The following SRRM3 variants were observed in gnomAD, a reference collection of about 807,000 sequenced individuals.
SRRM3 encodes the protein serine/arginine repetitive matrix protein 3.
Under a neutral mutation model 66.2 loss-of-function variants are expected in SRRM3, and 27 were observed. That is an observed-to-expected ratio of 0.41 (90% CI 0.30 to 0.56). The LOEUF is 0.56. SRRM3 is among the 20% of genes least tolerant of loss of function. The probability of loss-of-function intolerance (pLI) is 0.32; values close to 1 mark genes in which losing one functional copy is unlikely to be tolerated. For synonymous variants in SRRM3, 391 were observed against 414.9 expected, an observed-to-expected ratio of 0.94 and a Z score of 0.70; for missense variants, 918 against 991.9, an observed-to-expected ratio of 0.93 and a Z score of 1.00.
chr7:76,255,368 C>T (rs925542429), intron 3 of SRRM3, among the ~76,000 whole-genome samples: 5 of 151,896 alleles, frequency 3.3e-5, no homozygotes, highest in East Asian at 3.9e-4. Flanking sequence ...AGGCTGGTCT[C>T]GAACTCCCGA....
intron 1 of SRRM3, among the ~76,000 whole-genome samples, chr7:76,215,961 C>A (rs1800559619): frequency 6.7e-6 from 1 of 148,212 alleles, no homozygotes; most frequent in South Asian, 2.1e-4. Flanking sequence ...CCACGCCCAG[C>A]TAATTTTTTT....
intron 2 of SRRM3, among the ~76,000 whole-genome samples, chr7:76,244,060 G>T (rs1801376005): frequency 6.6e-6 from 1 of 152,210 alleles, no homozygotes; most frequent in Admixed American, 6.5e-5. Context: ...GTGGAGCTAG[G>T]TTGGTGGCAG....
At chr7:76,255,888 C>T (rs1290181666) in intron 3 of SRRM3, among the ~76,000 whole-genome samples, 1 of 152,174 alleles carries the variant, frequency 6.6e-6, no homozygotes, top group Admixed American at 6.5e-5. Flanking sequence ...TCTTTTCTCC[C>T]CGGAAGAGAT....
intron 2 of SRRM3, among the ~76,000 whole-genome samples, chr7:76,236,915 G>T (rs1183707772): frequency 6.6e-6 from 1 of 152,132 alleles, no homozygotes; most frequent in Non-Finnish European, 1.5e-5. Flanking sequence ...GAGGGGCGAG[G>T]TGGGGAGCAT....
At chr7:76,203,584 T>C (rs782226343) in intron 1 of SRRM3, among the ~76,000 whole-genome samples, 1 of 152,190 alleles carries the variant, frequency 6.6e-6, no homozygotes, top group East Asian at 1.9e-4. Context: ...TTGAAGCACA[T>C]TTTTCTGTTC....
chr7:76,243,294 T>C (rs1226338663), intron 2 of SRRM3, among the ~76,000 whole-genome samples: 1 of 152,174 alleles, frequency 6.6e-6, no homozygotes, highest in African/African-American at 2.4e-5. Flanking sequence ...CCGTCATCAC[T>C]GTCCCAAGTG....
At chr7:76,283,139 G>A (rs782757859) in intron 14 of SRRM3, 38 bp downstream of exon 14, 5 of 1,372,994 alleles carry the variant, frequency 3.6e-6, no homozygotes, top group Non-Finnish European at 4.7e-6. Context: ...GCGCAGGGCT[G>A]GGGCCGCTGA....
intron 1 of SRRM3, among the ~76,000 whole-genome samples, chr7:76,216,311 T>C (rs1413897104): frequency 6.6e-6 from 1 of 152,072 alleles, no homozygotes; most frequent in Non-Finnish European, 1.5e-5. Flanking sequence ...CCTCCCAAAG[T>C]GCTGGGATTA....
At chr7:76,281,189 C>CCT (rs1802490538) in intron 11 of SRRM3, among the ~76,000 whole-genome samples, 1 of 150,582 alleles carries the variant, frequency 6.6e-6, no homozygotes, top group South Asian at 2.1e-4. Context: ...TTCCTCTCTC[C>CCT]CTCTCTCCTG....
chr7:76,273,522 C>A (rs894588929), intron 11 of SRRM3: 1 of 152,198 alleles, frequency 6.6e-6, no homozygotes, highest in African/African-American at 2.4e-5. Flanking sequence ...TGTCTTTCCC[C>A]CATTCTGCAT....
intron 11 of SRRM3, among the ~76,000 whole-genome samples, chr7:76,280,428 A>C (rs1457236966): frequency 4.9e-5 from 3 of 60,756 alleles, no homozygotes; most frequent in East Asian, 5.1e-4. Context: ...CCCACCCCCA[A>C]GCGCTGGGGG....
intron 12 of SRRM3, 182 bp from the exon 13 acceptor site, chr7:76,282,466 T>C (rs1583946851): frequency 8.0e-6 from 2 of 250,904 alleles, no homozygotes; most frequent in South Asian, 2.0e-4. Context: ...CTCACGGGGC[T>C]CCCCCTGAAC....
chr7:76,255,266 C>T (rs1801686180), intron 3 of SRRM3, among the ~76,000 whole-genome samples: 1 of 150,196 alleles, frequency 6.7e-6, no homozygotes, highest in Non-Finnish European at 1.5e-5. Context: ...TCTCCTGCCT[C>T]AGCCCCTCAA....
At chr7:76,279,507 C>A (rs1164835883) in intron 11 of SRRM3, among the ~76,000 whole-genome samples, 1 of 143,894 alleles carries the variant, frequency 6.9e-6, no homozygotes. Context: ...CAAGGACAGT[C>A]AACTGCTACT....
intron 8 of SRRM3, among the ~76,000 whole-genome samples, chr7:76,262,074 G>C (rs936770055): frequency 6.6e-6 from 1 of 151,998 alleles, no homozygotes; most frequent in Non-Finnish European, 1.5e-5. Flanking sequence ...CACCCAGGAG[G>C]GCTGGGGGTT....
In SRRM3 at chr7:76,285,695, G is replaced by A. The variant is rs782408994; in HGVS notation, c.1814G>A (p.Arg605Gln). ...SSCLSSDYSTRSHSRSPSPGH... is the reference protein window; with the variant it reads ...SSCLSSDYSTQSHSRSPSPGH... ...TGCTTGAGCAGCGACTACTCGACCCGGAGCCACAGCCGCAGCCCCAGCCCC... is the reference window on the plus strand; with the variant it reads ...TGCTTGAGCAGCGACTACTCGACCCAGAGCCACAGCCGCAGCCCCAGCCCC... Residue 605 changes from arginine to glutamine, a missense_variant, in exon 15 of 15, where the codon CGG (arginine) becomes CAG (glutamine). Physicochemically the swap from Arg to Gln is conservative, Grantham distance 43. Coordinates refer to ENST00000611745, the MANE Select transcript of SRRM3 (RefSeq NM_001110199.3). This position sits in a 1 kb window ranked among gnomAD's most constrained non-coding sequence, Gnocchi z 4.1. 34 of 1,550,886 alleles carry A rather than the reference G, an allele frequency of 2.2e-5. No individual in the cohort carries two copies. The highest frequency in any genetic ancestry group is 1.7e-4 in the Middle Eastern group (1 of 5,864).
chr7:76,253,421 ACCAT>A (rs1283100758), intron 3 of SRRM3, among the ~76,000 whole-genome samples: 1 of 151,250 alleles, frequency 6.6e-6, no homozygotes, highest in African/African-American at 2.4e-5. Flanking sequence ...GGAGTTCGAG[ACCAT>A]CCTGGCTAAC....
intron 11 of SRRM3, 101 bp from the exon 12 acceptor site, chr7:76,281,340 C>A: frequency 1.2e-6 from 1 of 862,246 alleles, no homozygotes. Context: ...CTCTTTCTTT[C>A]AATCTCTCTC....
chr7:76,260,004 C>T lies in SRRM3; in HGVS notation c.434C>T (p.Ala145Val), dbSNP rs782615990. 2 of 1,584,450 alleles carry T rather than the reference C, an allele frequency of 1.3e-6. No homozygotes were observed. Among genetic ancestry groups the T allele is most frequent in the Non-Finnish European group, 1.7e-6 (2 of 1,171,080 alleles). Residue 145 changes from alanine (A) to valine (V), a missense_variant, in exon 4 of 15, where the codon GCC becomes GTC. Physicochemically the swap from Ala to Val is moderately conservative, Grantham distance 64 (BLOSUM62 0). Coordinates refer to ENST00000611745, the MANE Select transcript of SRRM3 (RefSeq NM_001110199.3). ...DDGPVDCDCP[A>V]SCYRGHRGYR... is the part of the protein sequence containing the mutation. ...GGCCCAGTGGACTGTGACTGCCCGG[C>T]CTCCTGCTACCGCGGCCACCGCGGG...
Sources: gnomAD v4.1 joint callset for allele counts (sites outside exome capture counted in the v4.1 genomes callset) on GRCh38, gnomAD v4.1.1 for gene constraint, Gnocchi (gnomAD v3.1) non-coding constraint, MANE v1.5 for transcripts, NCBI Gene and HGNC (gene_info 2026-07-23, HGNC 2026-07-21) for gene names.